The following JAKMIP3 variants were observed in gnomAD, a reference collection of about 807,000 sequenced individuals.
JAKMIP3 encodes the protein janus kinase and microtubule-interacting protein 3.
Under a neutral mutation model 118.5 loss-of-function variants are expected in JAKMIP3, and 58 were observed. The ratio of observed to expected loss-of-function variants is 0.49; its 90% CI spans 0.40 to 0.61. The LOEUF is 0.61. JAKMIP3 is among the 20% of genes least tolerant of loss of function. The probability of loss-of-function intolerance (pLI) is 0.00; values close to 1 mark genes in which losing one functional copy is unlikely to be tolerated. For missense variants in JAKMIP3, 950 were observed against 1,109.0 expected, an observed-to-expected ratio of 0.86 and a Z score of 2.04; for synonymous variants, 486 against 451.2, an observed-to-expected ratio of 1.08 and a Z score of -0.98.
At chr10:132,102,215 A>C (rs2045061434) in intron 1 of JAKMIP3, among the ~76,000 whole-genome samples, 1 of 151,904 alleles carries the variant, frequency 6.6e-6, no homozygotes, top group Non-Finnish European at 1.5e-5. Flanking sequence ...GGCCTTTCCC[A>C]AGCTGCCTAG....
At chr10:132,077,732 C>T (rs370005864) in intron 1 of JAKMIP3, among the ~76,000 whole-genome samples, 3 of 152,236 alleles carry the variant, frequency 2.0e-5, no homozygotes, top group African/African-American at 4.8e-5. Context: ...CTCACTGCAA[C>T]CTCCACCTCC....
intron 1 of JAKMIP3, among the ~76,000 whole-genome samples, chr10:132,102,038 G>T (rs12221203): frequency 6.6e-6 from 1 of 151,868 alleles, no homozygotes; most frequent in Non-Finnish European, 1.5e-5. Context: ...AGTGTCAGCT[G>T]GTGTCTCCCC....
chr10:132,064,191 C>T (rs1347454821), upstream of JAKMIP3, among the ~76,000 whole-genome samples: 1 of 152,312 alleles, frequency 6.6e-6, no homozygotes, highest in East Asian at 1.9e-4. This position sits in a 1 kb window ranked among gnomAD's most constrained non-coding sequence, Gnocchi z 4.4. Context: ...TTATGGACAA[C>T]ACTGCCGTAA....
chr10:132,177,500 ACCTGCT>A (rs1235622602), intron 23 of JAKMIP3, among the ~76,000 whole-genome samples: 30 of 78,422 alleles, frequency 3.8e-4, no homozygotes, highest in East Asian at 1.2e-3. Flanking sequence ...GTGTGTATAC[ACCTGCT>A]CCTGTGCCCT....
At chr10:132,111,355 C>A (rs535335315) in intron 2 of JAKMIP3, among the ~76,000 whole-genome samples, 4 of 151,504 alleles carry the variant, frequency 2.6e-5, no homozygotes, top group Non-Finnish European at 2.9e-5. Flanking sequence ...AGAGACCCCC[C>A]CCATGAGCAC....
At chr10:132,161,491 TG>T (rs1183873229) in intron 19 of JAKMIP3, among the ~76,000 whole-genome samples, 11 of 47,500 alleles carry the variant, frequency 2.3e-4, no homozygotes, top group African/African-American at 1.1e-3. Flanking sequence ...TGTGTGATGC[TG>T]GGGGGGTCTC....
intron 2 of JAKMIP3, among the ~76,000 whole-genome samples, chr10:132,115,398 G>A (rs1169955571): frequency 6.6e-6 from 1 of 152,236 alleles, no homozygotes; most frequent in Non-Finnish European, 1.5e-5. Context: ...CAGCGGCCCA[G>A]AGGAGGCCTC....
chr10:132,043,020 G>A (rs2037808286), intron 1 of JAKMIP3, among the ~76,000 whole-genome samples: 1 of 151,790 alleles, frequency 6.6e-6, no homozygotes, highest in Non-Finnish European at 1.5e-5. Context: ...CTTGAGCCCA[G>A]GAGACAGAGG....
intron 1 of JAKMIP3, among the ~76,000 whole-genome samples, chr10:132,101,354 A>ACC (rs2044878452): frequency 6.6e-6 from 1 of 152,092 alleles, no homozygotes; most frequent in South Asian, 2.1e-4. Context: ...CGACCCCCCA[A>ACC]CCCCACCACT....
intron 13 of JAKMIP3, among the ~76,000 whole-genome samples, chr10:132,146,758 C>T (rs12241511): frequency 0.061 from 9,312 of 152,220 alleles, 525 homozygotes; most frequent in African/African-American, 0.15. Context: ...CTGCTTTAGG[C>T]TTGGTTTGCA....
intron 1 of JAKMIP3, among the ~76,000 whole-genome samples, chr10:132,101,117 C>T (rs897626186): frequency 6.6e-6 from 1 of 152,156 alleles, no homozygotes; most frequent in African/African-American, 2.4e-5. Context: ...TGAATCTGTT[C>T]GGAGGAGCTG....
chr10:132,124,267 C>T (rs2049085728), intron 3 of JAKMIP3, among the ~76,000 whole-genome samples: 1 of 152,130 alleles, frequency 6.6e-6, no homozygotes, highest in Non-Finnish European at 1.5e-5. Flanking sequence ...TCACCTACAT[C>T]CATTGCCACG....
rs1423457354 is a variant in JAKMIP3 at position 132,180,752 on chromosome 10, C to CGCGTGTGTGTGCGTGCGT, written c.*1104-1604_*1104-1603insCGTGTGTGTGCGTGCGTG. Among the ~76,000 whole-genome samples, 4 of 13,682 alleles carry CGCGTGTGTGTGCGTGCGT rather than the reference C, an allele frequency of 2.9e-4. 2 individuals carry two copies. The East Asian group carries it at 7.3e-3, about 25-fold the overall frequency. 9.0% of individuals were successfully genotyped at this position (13,682 alleles called of 152,430 possible). A position where few individuals can be genotyped will look rare whatever the true frequency, so the allele number is the denominator to read the frequency against. On this transcript the variant is annotated intron_variant, in intron 23 of 23. Transcript: ENST00000684848. ...GTGCGTGTGTGCGTGCGTGCGCGCG[C>CGCGTGTGTGTGCGTGCGT]GTGTGTGCGTGTGTGTGCGTGTGTG...
chr10:132,041,663 G>T (rs571196730), intron 1 of JAKMIP3, among the ~76,000 whole-genome samples: 3 of 152,302 alleles, frequency 2.0e-5, no homozygotes, highest in Admixed American at 1.3e-4. Context: ...TGGAAACATA[G>T]CACGCTGGCC....
intron 3 of JAKMIP3, among the ~76,000 whole-genome samples, chr10:132,128,402 A>C (rs1333479751): frequency 6.6e-6 from 1 of 152,240 alleles, no homozygotes; most frequent in African/African-American, 2.4e-5. Context: ...AATTTTAAAA[A>C]AATACTGCTT....
At chr10:132,172,840 A>G (rs2059634318) in intron 23 of JAKMIP3, among the ~76,000 whole-genome samples, 1 of 151,538 alleles carries the variant, frequency 6.6e-6, no homozygotes, top group South Asian at 2.1e-4. Context: ...GCTTGTTGCT[A>G]CTGGGGTGAC....
rs952248193 is a variant in JAKMIP3, at chr10:132,044,432, G to A, written c.-138+7694G>A. 6.6e-6 allele frequency among the ~76,000 whole-genome samples: 1 copy of A among 152,190 alleles called. No homozygotes were observed. The highest frequency in any genetic ancestry group is 1.5e-5 in the Non-Finnish European group (1 of 68,034). On this transcript the variant is annotated intron_variant, in intron 1 of 23. Transcript: ENST00000657785. The surrounding 1 kb of genome is among the most constrained non-coding windows in gnomAD (Gnocchi z 5.3). ...CACAATTCTGCAAGAGCTCGTGACGGGAGCTCACCAGTCTAGTAGGGAAGG... is the reference window on the plus strand; with the variant it reads ...CACAATTCTGCAAGAGCTCGTGACGAGAGCTCACCAGTCTAGTAGGGAAGG...
intron 1 of JAKMIP3, among the ~76,000 whole-genome samples, chr10:132,082,650 G>A (rs140999196): frequency 0.03 from 4,492 of 150,474 alleles, 114 homozygotes; most frequent in South Asian, 0.14. Context: ...TCACTCTGTC[G>A]CCCAGGCTGG....
At chr10:132,087,083 G>A (rs2134323253) in intron 1 of JAKMIP3, among the ~76,000 whole-genome samples, 1 of 152,294 alleles carries the variant, frequency 6.6e-6, no homozygotes, top group Non-Finnish European at 1.5e-5. Flanking sequence ...CTCAGCATTT[G>A]TCTGGAAAAG....
Sources: gnomAD v4.1 joint callset for allele counts (sites outside exome capture counted in the v4.1 genomes callset) on GRCh38, gnomAD v4.1.1 for gene constraint, Gnocchi (gnomAD v3.1) non-coding constraint, MANE v1.5 for transcripts, NCBI Gene and HGNC (gene_info 2026-07-23, HGNC 2026-07-21) for gene names.